Variants in DUSP13B observed in about 807,000 individuals in gnomAD.
DUSP13B encodes the protein dual specificity protein phosphatase 13B.
chr10:75,097,795 C>T, the DUSP13B span: 72 of 1,613,930 alleles, frequency 4.5e-5, no homozygotes, highest in South Asian at 5.9e-4. Context: ...AGCGCTGCAG[C>T]GAAGCCAATG....
At chr10:75,103,767 T>C in the DUSP13B span, 8 of 736,960 alleles carry the variant, frequency 1.1e-5, no homozygotes, top group Admixed American at 2.9e-4. Flanking sequence ...GAGACAGCTG[T>C]GGCCAACAGC....
At chr10:75,101,845 C>A in the DUSP13B span, 3 of 1,362,880 alleles carry the variant, frequency 2.2e-6, no homozygotes, top group African/African-American at 1.5e-5. Context: ...CTACCCCCCC[C>A]AAATTAGGAG....
At chr10:75,108,373 G>T in the DUSP13B span, 2 of 1,319,508 alleles carry the variant, frequency 1.5e-6, no homozygotes, top group Non-Finnish European at 2.0e-6. Flanking sequence ...TATACCCAGA[G>T]CCCCGCACTT....
the DUSP13B span, among the ~76,000 whole-genome samples, chr10:75,096,283 G>A: frequency 3.3e-5 from 5 of 151,610 alleles, no homozygotes; most frequent in African/African-American, 2.4e-5. Flanking sequence ...ACAAAAAATA[G>A]ACTCCTTTTC....
chr10:75,099,367 C>T, the DUSP13B span: 1 of 1,232,254 alleles, frequency 8.1e-7, no homozygotes, highest in Non-Finnish European at 1.0e-6. Context: ...AAGTGAAGAC[C>T]AAGCTGTCCT....
At chr10:75,099,459 G>A in the DUSP13B span, 41 of 1,232,434 alleles carry the variant, frequency 3.3e-5, no homozygotes, top group Non-Finnish European at 4.1e-5. Flanking sequence ...GGGAATGGGG[G>A]AGTGGGTGCA....
At chr10:75,107,634 T>A in the DUSP13B span, among the ~76,000 whole-genome samples, 1 of 151,836 alleles carries the variant, frequency 6.6e-6, no homozygotes. Context: ...TAGAGTGAAG[T>A]GGCATGATCT....
At chr10:75,097,642 T>A in the DUSP13B span, 4 of 1,424,040 alleles carry the variant, frequency 2.8e-6, no homozygotes, top group Non-Finnish European at 3.7e-6. Context: ...TGAGAGAGGC[T>A]CATGCCCCCA....
the DUSP13B span, chr10:75,103,909 A>T: frequency 2.3e-6 from 3 of 1,311,918 alleles, no homozygotes; most frequent in Non-Finnish European, 3.0e-6. Flanking sequence ...GAGACTGAAG[A>T]CAGTGGCTGA....
chr10:75,101,215 C>T, the DUSP13B span, among the ~76,000 whole-genome samples: 1 of 152,152 alleles, frequency 6.6e-6, no homozygotes, highest in Non-Finnish European at 1.5e-5. Context: ...GTACTTGCAG[C>T]TATGTGGTCT....
the DUSP13B span, chr10:75,095,509 A>G: frequency 6.9e-7 from 1 of 1,439,896 alleles, no homozygotes; most frequent in Non-Finnish European, 9.7e-7. Flanking sequence ...CACCAGTGCT[A>G]CTGGAATAAT....
the DUSP13B span, among the ~76,000 whole-genome samples, chr10:75,102,250 G>A: frequency 3.5e-4 from 54 of 152,286 alleles, no homozygotes; most frequent in African/African-American, 1.2e-3. Flanking sequence ...ACCGAGGAGG[G>A]TGGGTCATGA....
the DUSP13B span, among the ~76,000 whole-genome samples, chr10:75,102,748 T>A: frequency 6.6e-6 from 1 of 151,956 alleles, no homozygotes; most frequent in South Asian, 2.1e-4. Flanking sequence ...AGGTCGGGAG[T>A]TCGAGACCAG....
chr10:75,108,811 TC>T, the DUSP13B span, among the ~76,000 whole-genome samples: 1 of 152,276 alleles, frequency 6.6e-6, no homozygotes, highest in Non-Finnish European at 1.5e-5. Flanking sequence ...GCAGGCGAAG[TC>T]CCTGCTCTCC....
At chr10:75,095,403 G>A in the DUSP13B span, among the ~76,000 whole-genome samples, 97 of 152,232 alleles carry the variant, frequency 6.4e-4, no homozygotes, top group Non-Finnish European at 7.1e-4. Context: ...TAGCCTCCAG[G>A]GTGTCCCTGA....
At chr10:75,099,536 G>A in the DUSP13B span, 2 of 1,231,490 alleles carry the variant, frequency 1.6e-6, no homozygotes, top group Non-Finnish European at 2.0e-6. Flanking sequence ...ACACTGTGAA[G>A]CGGCTAGAAT....
the DUSP13B span, chr10:75,108,033 G>C: frequency 1.2e-6 from 2 of 1,613,662 alleles, no homozygotes; most frequent in African/African-American, 1.3e-5. Context: ...GTCAGCCGCA[G>C]AGGAGAAGTA....
chr10:75,108,048 C>T, the DUSP13B span: 59 of 1,613,772 alleles, frequency 3.7e-5, no homozygotes, highest in African/African-American at 7.3e-4. Context: ...GAAGTAGGCA[C>T]TGATGTCAAA....
chr10:75,097,655 C>T, the DUSP13B span: 2 of 1,451,976 alleles, frequency 1.4e-6, no homozygotes, highest in Non-Finnish European at 1.8e-6. Flanking sequence ...TGCCCCCATT[C>T]CCGTGTGAAC....
Sources: gnomAD v4.1 joint callset for allele counts (sites outside exome capture counted in the v4.1 genomes callset) on GRCh38, gnomAD v4.1.1 for gene constraint, MANE v1.5 for transcripts, NCBI Gene and HGNC (gene_info 2026-07-23, HGNC 2026-07-21) for gene names.